LUZP2: variants seen among roughly 807,000 people sequenced by gnomAD.
LUZP2 encodes the protein leucine zipper protein 2.
LUZP2 carries 52 observed loss-of-function variants against 51.6 expected under a neutral mutation model. The ratio of observed to expected loss-of-function variants is 1.01; its 90% CI spans 0.81 to 1.27. LUZP2 has a LOEUF of 1.27. LUZP2 is among the 50% of genes most tolerant of loss of function. The pLI, the probability that LUZP2 is intolerant of heterozygous loss-of-function variation, is 0.00. For missense variants in LUZP2, 436 were observed against 395.4 expected (o/e 1.10, Z -0.87); for synonymous variants, 154 against 137.3 (o/e 1.12, Z -0.85).
At chr11:24,511,139 G>A (rs1322385406) in intron 1 of LUZP2, among the ~76,000 whole-genome samples, 1 of 152,136 alleles carries the variant, frequency 6.6e-6, no homozygotes, top group African/African-American at 2.4e-5. Context: ...TACTGTCTGT[G>A]CCTTCCCTTC....
rs1853850853 is a variant in LUZP2, at chr11:24,917,931, G to A, written c.522+3393G>A. ...ATCTAAAAATTACCTTGGGCAGTAT[G>A]GCCATTTTCATGATATTGATTCTTC... On this transcript the variant is annotated intron_variant, in intron 7 of 11. Transcript: ENST00000336930. Among the ~76,000 whole-genome samples the A allele has an allele frequency of 2.0e-5, 3 of 152,038 alleles. No homozygotes were observed. In the South Asian group the frequency reaches 6.2e-4, roughly 32 times the overall value.
chr11:24,950,993 A>G (rs1452102796), intron 7 of LUZP2, among the ~76,000 whole-genome samples: 2 of 151,608 alleles, frequency 1.3e-5, no homozygotes, highest in Non-Finnish European at 3.0e-5. Context: ...TTTGTCTTTC[A>G]ACATTTTATG....
intron 7 of LUZP2, among the ~76,000 whole-genome samples, chr11:24,926,740 T>G (rs1854286136): frequency 6.6e-6 from 1 of 151,096 alleles, no homozygotes; most frequent in Non-Finnish European, 1.5e-5. Context: ...CTTCTTTTCC[T>G]GTGGTTAGAT....
At chr11:24,605,434 A>C (rs10834402) in intron 1 of LUZP2, among the ~76,000 whole-genome samples, 41,221 of 151,080 alleles carry the variant, frequency 0.27, 5,810 homozygotes, top group Admixed American at 0.33. Context: ...ACAAAACAAA[A>C]CCCCCCAAAT....
At chr11:25,053,144 A>G (rs757750830) in intron 10 of LUZP2, among the ~76,000 whole-genome samples, 10 of 152,156 alleles carry the variant, frequency 6.6e-5, no homozygotes, top group Non-Finnish European at 1.5e-4. Flanking sequence ...GTCTGTTTCA[A>G]AGAGAGAGCC....
intron 5 of LUZP2, among the ~76,000 whole-genome samples, chr11:24,875,261 C>T (rs1320753482): frequency 1.4e-5 from 2 of 145,106 alleles, no homozygotes; most frequent in Non-Finnish European, 3.0e-5. Flanking sequence ...CCTCCCCTCA[C>T]CCCACAACAG....
At chr11:25,034,278 G>T (rs191000396) in intron 9 of LUZP2, among the ~76,000 whole-genome samples, 130 of 151,998 alleles carry the variant, frequency 8.6e-4, no homozygotes, top group Admixed American at 3.3e-3. Flanking sequence ...AGGGTTATTT[G>T]TTTTTTGCCT....
At chr11:25,069,860 A>T (rs1248824069) in intron 10 of LUZP2, among the ~76,000 whole-genome samples, 2 of 151,496 alleles carry the variant, frequency 1.3e-5, no homozygotes, top group Non-Finnish European at 2.9e-5. Flanking sequence ...GTTGTTAGGA[A>T]CTCTTATGTG....
chr11:24,890,867 G>A (rs965703059), intron 5 of LUZP2: 3 of 956,422 alleles, frequency 3.1e-6, no homozygotes, highest in Non-Finnish European at 3.7e-6. Flanking sequence ...AAGCATTTTA[G>A]GGCCATTTAC....
Position 24,525,161 on chromosome 11 carries a change from C to T in LUZP2, c.62+27856C>T, listed in dbSNP as rs539789908. ...GAGCATTTTGCTTTATTTATCATTT[C>T]TTATTATTTCCTGCTCAGTCTGAAA... On this transcript the variant is annotated intron_variant, in intron 1 of 11. Transcript: ENST00000336930. 7.9e-5 allele frequency among the ~76,000 whole-genome samples: 12 copies of T among 151,678 alleles called. No homozygotes were observed. The South Asian group carries it at 2.5e-3, about 31-fold the overall frequency.
At chr11:24,918,926 T>C (rs372552395) in intron 7 of LUZP2, among the ~76,000 whole-genome samples, 40 of 144,224 alleles carry the variant, frequency 2.8e-4, no homozygotes, top group African/African-American at 9.2e-4. Flanking sequence ...ATATGTATTA[T>C]ATATAGTTAT....
chr11:24,635,658 T>G (rs1225298100), intron 1 of LUZP2, among the ~76,000 whole-genome samples: 2 of 152,108 alleles, frequency 1.3e-5, no homozygotes, highest in African/African-American at 2.4e-5. Flanking sequence ...ATAAAACAAC[T>G]GAAAACAAAG....
intron 5 of LUZP2, among the ~76,000 whole-genome samples, chr11:24,867,865 C>G (rs1369609451): frequency 6.6e-6 from 1 of 152,072 alleles, no homozygotes; most frequent in Admixed American, 6.6e-5. Flanking sequence ...TAAATTTGGT[C>G]CAATATTTCC....
chr11:24,537,984 T>C (rs1851233884), intron 1 of LUZP2, among the ~76,000 whole-genome samples: 1 of 149,750 alleles, frequency 6.7e-6, no homozygotes, highest in African/African-American at 2.5e-5. Context: ...GACTAATTAC[T>C]TATAATCAAT....
intron 8 of LUZP2, among the ~76,000 whole-genome samples, chr11:24,980,969 G>A (rs1366563600): frequency 6.6e-6 from 1 of 151,856 alleles, no homozygotes; most frequent in African/African-American, 2.4e-5. Context: ...TAGGAAAAGT[G>A]GTGTGCTGCA....
chr11:24,880,738 A>ATG lies in LUZP2; in HGVS notation c.397-25237_397-25236dup, dbSNP rs149405346. 4.7e-3 allele frequency among the ~76,000 whole-genome samples: 702 copies of ATG among 150,498 alleles called. 7 individuals are homozygous for ATG. Among genetic ancestry groups the ATG allele is most frequent in the African/African-American group, 0.015 (633 of 41,234 alleles). ...ATTATAAATTTCTAGATGGTGAAGAATGTGTGTGTGTGTGTGTATGTGTAT... is the reference window on the plus strand; with the variant it reads ...ATTATAAATTTCTAGATGGTGAAGAATGTGTGTGTGTGTGTGTGTATGTGTAT... On this transcript the variant is annotated intron_variant, in intron 5 of 11. Transcript: ENST00000336930.
chr11:24,789,703 A>G (rs1397192472), intron 5 of LUZP2, among the ~76,000 whole-genome samples: 1 of 152,206 alleles, frequency 6.6e-6, no homozygotes, highest in African/African-American at 2.4e-5. Flanking sequence ...TCAAGATGCC[A>G]GCAGTGAGGT....
intron 1 of LUZP2, among the ~76,000 whole-genome samples, chr11:24,706,470 G>T (rs1857586382): frequency 6.6e-6 from 1 of 152,080 alleles, no homozygotes; most frequent in Admixed American, 6.6e-5. Flanking sequence ...AGCTAATAAT[G>T]TTAAAATTCC....
At chr11:25,041,685 T>G (rs1858064037) in intron 9 of LUZP2, among the ~76,000 whole-genome samples, 2 of 152,162 alleles carry the variant, frequency 1.3e-5, no homozygotes, top group Non-Finnish European at 2.9e-5. Context: ...AAGACCCTTG[T>G]GGGTCGAGGA....
Sources: allele counts gnomAD v4.1 joint callset (sites outside exome capture counted in the v4.1 genomes callset), GRCh38; gene constraint gnomAD v4.1.1; transcripts MANE v1.5; gene names NCBI Gene and HGNC (gene_info 2026-07-23, HGNC 2026-07-21).